PLEKHA8: variants seen among roughly 807,000 people sequenced by gnomAD.
PLEKHA8 encodes the protein pleckstrin homology domain containing A8, also known as pleckstrin homology domain-containing family A member 8.
PLEKHA8 carries 36 observed loss-of-function variants against 68.2 expected under a neutral mutation model. The ratio of observed to expected loss-of-function variants is 0.53; its 90% CI spans 0.40 to 0.70. PLEKHA8 has a LOEUF of 0.70. Ranked by LOEUF, PLEKHA8 falls within the 30% of genes least tolerant of loss-of-function variation. PLEKHA8 has a pLI of 0.00. For synonymous variants in PLEKHA8, 211 were observed against 216.1 expected, an observed-to-expected ratio of 0.98 and a Z score of 0.20; for missense variants, 505 against 615.4, an observed-to-expected ratio of 0.82 and a Z score of 1.90.
At chr7:30,063,851 C>G (rs1349812397) in intron 12 of PLEKHA8, among the ~76,000 whole-genome samples, 1 of 152,210 alleles carries the variant, frequency 6.6e-6, no homozygotes, top group Non-Finnish European at 1.5e-5. Context: ...TTTGAGGCCC[C>G]TGCTTTGAAG....
intron 13 of PLEKHA8, among the ~76,000 whole-genome samples, chr7:30,125,281 A>G (rs1449113727): frequency 6.6e-6 from 1 of 152,220 alleles, no homozygotes; most frequent in Non-Finnish European, 1.5e-5. Context: ...TAGTGTAACT[A>G]TTTCAGAAAT....
chr7:30,082,925 G>A lies in PLEKHA8; in HGVS notation c.*4138G>A. On this transcript the variant is annotated 3_prime_UTR_variant, in exon 14 of 14. Coordinates refer to ENST00000449726, the MANE Select transcript of PLEKHA8 (RefSeq NM_001197026.2). ...AAACTACCATGTCCTACAAGAACTT[G>A]GTTATATAATGGTGCGTCTCTGAAT... The A allele has an allele frequency of 1.0e-6, 1 of 985,276 alleles. No homozygotes were observed. Among genetic ancestry groups the A allele is most frequent in the Middle Eastern group, 5.2e-4 (1 of 1,912 alleles). 61.0% of individuals were successfully genotyped at this position (985,276 alleles called of 1,614,324 possible). A position where few individuals can be genotyped will look rare whatever the true frequency, so the allele number is the denominator to read the frequency against.
downstream of PLEKHA8, among the ~76,000 whole-genome samples, chr7:30,087,992 G>C (rs1027818265): frequency 6.6e-6 from 1 of 152,170 alleles, no homozygotes; most frequent in Non-Finnish European, 1.5e-5. Context: ...AATGTGCCCC[G>C]CACCTGACAG....
At chr7:30,074,639 C>T (rs908164681) in intron 13 of PLEKHA8, among the ~76,000 whole-genome samples, 3 of 152,056 alleles carry the variant, frequency 2.0e-5, no homozygotes, top group Admixed American at 2.0e-4. Context: ...CTCTGCTGCC[C>T]ATTGTATTCA....
chr7:30,035,109 TAA>T (rs1790969281), intron 1 of PLEKHA8, among the ~76,000 whole-genome samples: 1 of 152,188 alleles, frequency 6.6e-6, no homozygotes, highest in Middle Eastern at 3.2e-3. Context: ...GTTTCAGTGA[TAA>T]AGTCACAAGC....
At chr7:30,096,090 C>T (rs1795609198) in intron 13 of PLEKHA8, among the ~76,000 whole-genome samples, 1 of 152,138 alleles carries the variant, frequency 6.6e-6, no homozygotes, top group Non-Finnish European at 1.5e-5. Flanking sequence ...ATGGGGATGG[C>T]ATTTAATCTA....
At chr7:30,117,967 C>T (rs1310701091) in intron 13 of PLEKHA8, 1 of 1,529,374 alleles carries the variant, frequency 6.5e-7, no homozygotes, top group Non-Finnish European at 8.7e-7. Flanking sequence ...TCATTTCTAA[C>T]AGGGACACAC....
chr7:30,076,433 T>G (rs1794613434), intron 13 of PLEKHA8, among the ~76,000 whole-genome samples: 1 of 152,212 alleles, frequency 6.6e-6, no homozygotes, highest in Admixed American at 6.5e-5. Context: ...CTAGTAGAAC[T>G]GCTATGTCGA....
Position 30,055,309 on chromosome 7 carries a change from T to G in PLEKHA8, c.1006T>G (p.Leu336Val). Residue 336 changes from leucine (L) to valine (V), a missense_variant, in exon 9 of 14, where the codon TTG (leucine) becomes GTG (valine). Physicochemically the swap from Leu to Val is conservative, Grantham distance 32. Transcript: ENST00000449726. ...CAGTGGCATTCCCACAGAAGCATTC[T>G]TGGCATCATGTTATGCTGTGGTTCC... ...EDSGIPTEAF[L>V]ASCYAVVPVL... 6.2e-7 allele frequency: 1 copy of G among 1,614,194 alleles called. No individual in the cohort carries two copies. Among genetic ancestry groups the G allele is most frequent in the East Asian group, 2.2e-5 (1 of 44,868 alleles).
chr7:30,054,749 G>A lies in PLEKHA8; in HGVS notation c.837G>A (p.Leu279=). Residue 279 remains leucine (L), a synonymous_variant, in exon 8 of 14, where the codon CTG becomes CTA. Coordinates refer to ENST00000449726, the MANE Select transcript of PLEKHA8 (RefSeq NM_001197026.2). The stretch of plus-strand genomic sequence containing the variant: ...GGAAGGAAGATGGAATGGAAAACCT[G>A]AAAAATCATGACAATAACTTGACTC... The part of the protein sequence containing the change: ...EIRKEDGMEN[L]KNHDNNLTQS... 6.2e-7 allele frequency: 1 copy of A among 1,603,894 alleles called. No homozygotes were observed. The highest frequency in any genetic ancestry group is 8.5e-7 in the Non-Finnish European group (1 of 1,174,166).
chr7:30,077,634 A>G (rs929506062), intron 13 of PLEKHA8, among the ~76,000 whole-genome samples: 2 of 152,334 alleles, frequency 1.3e-5, no homozygotes, highest in South Asian at 2.1e-4. Context: ...GGTCTGCTTC[A>G]TCTAAGTCTG....
rs1390514169 is a variant in PLEKHA8, at chr7:30,082,469, G to A, written c.*3682G>A. Reference sequence around the variant, plus strand: ...CCCCCAGACTGCAAGAGCTTCTTAAGAAGGAGCCCATATTCCCATTTGTAG... The same window carrying A: ...CCCCCAGACTGCAAGAGCTTCTTAAAAAGGAGCCCATATTCCCATTTGTAG... On this transcript the variant is annotated 3_prime_UTR_variant, in exon 14 of 14. Transcript: ENST00000449726. 2 of 985,264 alleles carry A rather than the reference G, an allele frequency of 2.0e-6. No homozygotes were observed. The highest frequency in any genetic ancestry group is 2.4e-6 in the Non-Finnish European group (2 of 829,974). The allele number at this position is 985,264 out of a possible 1,614,324, so 61.0% of individuals were successfully genotyped here.
At chr7:30,106,055 C>CTT (rs796485725) in intron 13 of PLEKHA8, among the ~76,000 whole-genome samples, 7 of 140,508 alleles carry the variant, frequency 5.0e-5, no homozygotes, top group Admixed American at 1.4e-4. Context: ...TCTTTAACAT[C>CTT]TTTTTTTTTT....
chr7:30,093,750 T>C (rs1371330917), downstream of PLEKHA8, among the ~76,000 whole-genome samples: 1 of 152,234 alleles, frequency 6.6e-6, no homozygotes, highest in African/African-American at 2.4e-5. Context: ...CTGAGTCTCC[T>C]AAGCTCAGCT....
At chr7:30,107,070 C>G (rs1005067438) in intron 13 of PLEKHA8, among the ~76,000 whole-genome samples, 1 of 151,966 alleles carries the variant, frequency 6.6e-6, no homozygotes, top group Non-Finnish European at 1.5e-5. Flanking sequence ...TGAGAAATAC[C>G]TTATTAGAAT....
chr7:30,079,053 C>T lies in PLEKHA8; in HGVS notation c.*266C>T. 2 of 1,201,808 alleles carry T rather than the reference C, an allele frequency of 1.7e-6. No homozygotes were observed. Among genetic ancestry groups the T allele is most frequent in the African/African-American group, 3.1e-5 (2 of 64,360 alleles). The allele number at this position is 1,201,808 out of a possible 1,614,324, so 74.4% of individuals were successfully genotyped here. A position where few individuals can be genotyped will look rare whatever the true frequency, so the allele number is the denominator to read the frequency against. ...AGACTTGAACAGCAAGTTATAAGAG[C>T]AGATTTAACAAACAAATTTGCTGTT... On this transcript the variant is annotated 3_prime_UTR_variant, in exon 14 of 14. Coordinates refer to ENST00000449726, the MANE Select transcript of PLEKHA8 (RefSeq NM_001197026.2).
At chr7:30,115,641 C>T (rs116473773) in intron 13 of PLEKHA8, among the ~76,000 whole-genome samples, 215 of 151,728 alleles carry the variant, frequency 1.4e-3, no homozygotes, top group Non-Finnish European at 2.6e-3. Flanking sequence ...CACATACATG[C>T]ACACATGTAC....
In PLEKHA8 at chr7:30,062,166, A is replaced by T. The variant is rs1021954448; in HGVS notation, c.1229+139A>T. The T allele has an allele frequency of 3.0e-6, 3 of 1,005,432 alleles. No homozygotes were observed. The African/African-American group carries it at 4.9e-5, about 16-fold the overall frequency. The allele number at this position is 1,005,432 out of a possible 1,614,324, so 62.3% of individuals were successfully genotyped here. ...GTAGCCTTTTCTAGAAGGCCTAATG[A>T]ATAATACCACCTTATTTTTTTTTTG... is the stretch of plus-strand genomic sequence containing the variant. On this transcript the variant is annotated intron_variant, in intron 11 of 13. Coordinates refer to ENST00000449726, the MANE Select transcript of PLEKHA8 (RefSeq NM_001197026.2).
chr7:30,094,946 T>G (rs977668456), downstream of PLEKHA8, among the ~76,000 whole-genome samples: 17 of 152,198 alleles, frequency 1.1e-4, no homozygotes, highest in African/African-American at 3.6e-4. Context: ...TTGGGTTGGT[T>G]CCAAGTCTTT....
Sources: allele counts gnomAD v4.1 joint callset (sites outside exome capture counted in the v4.1 genomes callset), GRCh38; gene constraint gnomAD v4.1.1; transcripts MANE v1.5; gene names NCBI Gene and HGNC (gene_info 2026-07-23, HGNC 2026-07-21).